Variants in VPS54 observed in about 807,000 individuals in gnomAD.
VPS54 encodes VPS54 subunit of GARP complex, also known as vacuolar protein sorting-associated protein 54.
In VPS54, 45 loss-of-function variants were observed where a neutral mutation model predicts 121.5. The ratio of observed to expected loss-of-function variants is 0.37; its 90% confidence interval spans 0.29 to 0.47. The LOEUF (loss-of-function observed/expected upper bound fraction) is 0.47, where lower values mean the gene tolerates loss of function less well. VPS54 is among the 20% of genes least tolerant of loss of function. The pLI is 0.99. For missense variants in VPS54, 1,090 were observed against 1,131.4 expected (o/e 0.96, Z 0.52); for synonymous variants, 371 against 385.8 (o/e 0.96, Z 0.45).
In VPS54 at chr2:63,944,663, A is replaced by T; in HGVS notation, c.1246-8T>A. ...AACTTTATTAATCACACACTGCAAA[A>T]TTTAAGAAAAAACAAAAACAATTTG... On this transcript the variant is annotated splice_polypyrimidine_tract_variant and splice_region_variant and intron_variant, in intron 9 of 22. Coordinates refer to ENST00000272322, the MANE Select transcript of VPS54 (RefSeq NM_016516.3). 3.1e-6 allele frequency: 5 copies of T among 1,602,780 alleles called. No individual in the cohort carries two copies. The highest frequency in any genetic ancestry group is 2.2e-5 in the East Asian group (1 of 44,744).
chr2:63,979,457 T>A (rs916276312), intron 3 of VPS54, among the ~76,000 whole-genome samples: 2 of 152,112 alleles, frequency 1.3e-5, no homozygotes, highest in Non-Finnish European at 2.9e-5. Flanking sequence ...GCCAGGCTGG[T>A]CTTGAACTCC....
At chr2:63,941,921 C>G (rs1674751961) in intron 11 of VPS54, among the ~76,000 whole-genome samples, 1 of 151,038 alleles carries the variant, frequency 6.6e-6, no homozygotes, top group Non-Finnish European at 1.5e-5. Context: ...ATAATCCTAG[C>G]TACTCGGGAG....
At chr2:63,926,571 C>T (rs1049962935) in intron 12 of VPS54, among the ~76,000 whole-genome samples, 13 of 152,244 alleles carry the variant, frequency 8.5e-5, no homozygotes, top group Middle Eastern at 3.4e-3. Flanking sequence ...GCGAGATCGA[C>T]GCAGAAGACG....
In VPS54 at chr2:63,893,154, ATTTGGT is replaced by A; in HGVS notation, c.*270_*275del. On this transcript the variant is annotated 3_prime_UTR_variant, in exon 23 of 23. Transcript: ENST00000272322. ...GTGTTACAGCTATGTGTTCTTTTGG[ATTTGGT>A]CCAAAGAAACCTGAGTCTGTTTCCA... 2 of 482,694 alleles carry A rather than the reference ATTTGGT, an allele frequency of 4.1e-6. No homozygotes were observed. Among genetic ancestry groups the A allele is most frequent in the Non-Finnish European group, 7.6e-6 (2 of 263,024 alleles). 29.9% of individuals were successfully genotyped at this position (482,694 alleles called of 1,614,324 possible). A position where few individuals can be genotyped will look rare whatever the true frequency, so the allele number is the denominator to read the frequency against.
intron 5 of VPS54, among the ~76,000 whole-genome samples, chr2:63,966,451 T>C (rs977691649): frequency 6.6e-6 from 1 of 152,222 alleles, no homozygotes; most frequent in Non-Finnish European, 1.5e-5. Flanking sequence ...AATAGACTAC[T>C]CTTCCCTTAC....
intron 1 of VPS54, among the ~76,000 whole-genome samples, chr2:64,013,755 T>C (rs1241751455): frequency 6.7e-6 from 1 of 149,578 alleles, no homozygotes; most frequent in African/African-American, 2.4e-5. Context: ...TACCAATCAA[T>C]ACCACATTAC....
In VPS54 at chr2:63,983,766, A is replaced by T. The variant is rs374569358; in HGVS notation, c.136+98T>A. Reference sequence around the variant, plus strand: ...CCCCCCAAATGATTTTTAACATCATAAAATTTACTCTTCTAACGTTGGTAT... The same window carrying T: ...CCCCCCAAATGATTTTTAACATCATTAAATTTACTCTTCTAACGTTGGTAT... On this transcript the variant is annotated intron_variant, in intron 2 of 22. Transcript: ENST00000272322. 1.3e-5 allele frequency: 18 copies of T among 1,414,980 alleles called. No homozygotes were observed. In the East Asian group the frequency reaches 1.7e-4, roughly 13 times the overall value. The allele number at this position is 1,414,980 out of a possible 1,614,324, so 87.7% of individuals were successfully genotyped here. A position where few individuals can be genotyped will look rare whatever the true frequency, so the allele number is the denominator to read the frequency against.
At chr2:63,973,447 C>A (rs1424417738) in intron 3 of VPS54, among the ~76,000 whole-genome samples, 2 of 152,158 alleles carry the variant, frequency 1.3e-5, no homozygotes, top group African/African-American at 4.8e-5. Flanking sequence ...TTGCACACTT[C>A]TATATCTTTT....
Position 63,933,754 on chromosome 2 carries a change from G to C in VPS54, c.1658C>G (p.Ser553Cys), listed in dbSNP as rs760341947. Residue 553 changes from serine to cysteine, a missense_variant, in exon 12 of 23, where the codon TCC becomes TGC. Coordinates refer to ENST00000272322, the MANE Select transcript of VPS54 (RefSeq NM_016516.3). ...AGAATCAGTAGTACATTCTGGCTCGGATACAGAATCACTGCTGCAGGGCTC... is the reference window on the plus strand; with the variant it reads ...AGAATCAGTAGTACATTCTGGCTCGCATACAGAATCACTGCTGCAGGGCTC... The part of the protein sequence containing the change: ...NSEPCSSDSV[S>C]EPECTTDSSS... The C allele has an allele frequency of 4.3e-6, 7 of 1,613,756 alleles. No homozygotes were observed. The South Asian group carries it at 7.7e-5, about 18-fold the overall frequency.
chr2:64,017,768 A>C (rs1678777294), intron 1 of VPS54, among the ~76,000 whole-genome samples: 1 of 152,268 alleles, frequency 6.6e-6, no homozygotes, highest in African/African-American at 2.4e-5. Flanking sequence ...TAATTTAAAA[A>C]TAGCCAAATT....
chr2:63,933,955 G>A lies in VPS54; in HGVS notation c.1457C>T (p.Thr486Ile). ...VLSVLDKNQRTRELEEISQQK... is the reference protein window; with the variant it reads ...VLSVLDKNQRIRELEEISQQK... ...TTGTGAAATCTCTTCCAATTCTCTA[G>A]TCCTTTGGTTTTTGTCAAGAACTGA... Residue 486 changes from threonine to isoleucine, a missense_variant, in exon 12 of 23, where the codon ACT (threonine) becomes ATT (isoleucine). Around this residue, in one of 2 missense-constraint regions of VPS54, gnomAD observed 801 missense variants for 757.0 expected, o/e 1.06. Coordinates refer to ENST00000272322, the MANE Select transcript of VPS54 (RefSeq NM_016516.3). 6.2e-7 allele frequency: 1 copy of A among 1,613,514 alleles called. No individual in the cohort carries two copies.
At chr2:63,979,021 T>TA (rs1356726352) in intron 3 of VPS54, among the ~76,000 whole-genome samples, 1 of 152,216 alleles carries the variant, frequency 6.6e-6, no homozygotes, top group Non-Finnish European at 1.5e-5. Context: ...AAGTTATTCA[T>TA]AAAATTTCAT....
chr2:63,910,680 T>A (rs145460350), intron 20 of VPS54, among the ~76,000 whole-genome samples: 3 of 152,170 alleles, frequency 2.0e-5, no homozygotes, highest in African/African-American at 7.2e-5. Context: ...AAATTGTTAA[T>A]AACGAATATA....
At chr2:64,013,723 GAT>G (rs531676186) in intron 1 of VPS54, among the ~76,000 whole-genome samples, 3 of 146,132 alleles carry the variant, frequency 2.1e-5, no homozygotes, top group Non-Finnish European at 3.0e-5. Context: ...CATATAGAGA[GAT>G]ATATATATAT....
intron 9 of VPS54, among the ~76,000 whole-genome samples, chr2:63,945,543 A>T (rs1333248848): frequency 6.6e-6 from 1 of 151,970 alleles, no homozygotes; most frequent in Non-Finnish European, 1.5e-5. Flanking sequence ...AACTTAAGAT[A>T]AAAAAAAATT....
intron 5 of VPS54, among the ~76,000 whole-genome samples, chr2:63,967,969 G>A (rs540569224): frequency 3.6e-4 from 55 of 152,102 alleles, no homozygotes; most frequent in Non-Finnish European, 7.2e-4. Context: ...AAAGCACAGA[G>A]CCATCAAAAA....
In VPS54 at chr2:63,899,459, G is replaced by A; in HGVS notation, c.2733+15C>T. 1 of 1,607,540 alleles carries A rather than the reference G, an allele frequency of 6.2e-7. No individual in the cohort carries two copies. Among genetic ancestry groups the A allele is most frequent in the African/African-American group, 1.3e-5 (1 of 74,874 alleles). Reference sequence around the variant, plus strand: ...TGTTATATATACATGAATAGTTTTAGGAATTACTTCTCACCTGTGTTTGTT... The same window carrying A: ...TGTTATATATACATGAATAGTTTTAAGAATTACTTCTCACCTGTGTTTGTT... On this transcript the variant is annotated intron_variant, in intron 21 of 22. Coordinates refer to ENST00000272322, the MANE Select transcript of VPS54 (RefSeq NM_016516.3).
At chr2:63,906,692 T>C (rs1672917751) in intron 20 of VPS54, among the ~76,000 whole-genome samples, 2 of 152,172 alleles carry the variant, frequency 1.3e-5, no homozygotes, top group Admixed American at 1.3e-4. Flanking sequence ...CAACATAGTT[T>C]CTGGCTAGCA....
intron 14 of VPS54, 82 bp from the exon 15 acceptor site, chr2:63,920,077 G>A: frequency 8.4e-7 from 1 of 1,184,700 alleles, no homozygotes; most frequent in Non-Finnish European, 1.2e-6. Context: ...AGGAAGAAGA[G>A]CTGAGTGAGA....
Sources: gnomAD v4.1 joint callset for allele counts (sites outside exome capture counted in the v4.1 genomes callset) on GRCh38, gnomAD v4.1.1 for gene constraint, gnomAD v4.1.1 regional missense constraint, MANE v1.5 for transcripts, NCBI Gene and HGNC (gene_info 2026-07-23, HGNC 2026-07-21) for gene names.